The following LRRIQ3 variants were observed in gnomAD, a reference collection of about 807,000 sequenced individuals.
The protein encoded by LRRIQ3 is leucine-rich repeat and IQ domain-containing protein 3.
A neutral mutation model predicts 59.3 loss-of-function variants in LRRIQ3; 75 were observed. The observed-to-expected ratio is 1.26, with a 90% CI of 1.05 to 1.53. The LOEUF (loss-of-function observed/expected upper bound fraction) is 1.53, where lower values mean the gene tolerates loss of function less well. Among genes scored for constraint, LRRIQ3 ranks in the 40% most tolerant of loss-of-function variants. The probability of loss-of-function intolerance (pLI) is 0.00; values close to 1 mark genes in which losing one functional copy is unlikely to be tolerated. For synonymous variants in LRRIQ3, 250 were observed against 231.3 expected (o/e 1.08, Z -0.73); for missense variants, 831 against 710.0 (o/e 1.17, Z -1.94).
chr1:74,138,151 AAAAC>A (rs1326851099), intron 4 of LRRIQ3, among the ~76,000 whole-genome samples: 184 of 72,900 alleles, frequency 2.5e-3, no homozygotes, highest in African/African-American at 5.0e-3. Context: ...TTCCTTTAAA[AAAAC>A]AAACAAACAA....
At chr1:74,029,666 G>T (rs538407072) in intron 7 of LRRIQ3, among the ~76,000 whole-genome samples, 2 of 151,974 alleles carry the variant, frequency 1.3e-5, no homozygotes, top group East Asian at 1.9e-4. Context: ...TCTCTTTTTT[G>T]TGTGTGTCTC....
chr1:74,107,772 TGAA>T (rs931546704), intron 5 of LRRIQ3, among the ~76,000 whole-genome samples: 5 of 151,296 alleles, frequency 3.3e-5, no homozygotes, highest in Middle Eastern at 3.2e-3. Context: ...GAAATTGAGA[TGAA>T]GACAACTTCT....
chr1:74,184,289 C>G (rs529826761), intron 1 of LRRIQ3, among the ~76,000 whole-genome samples: 1 of 151,956 alleles, frequency 6.6e-6, no homozygotes, highest in Non-Finnish European at 1.5e-5. Context: ...ATTTTGACTA[C>G]TTAAATTTAT....
intron 4 of LRRIQ3, among the ~76,000 whole-genome samples, chr1:74,120,194 T>G (rs1411546523): frequency 6.6e-6 from 1 of 151,778 alleles, no homozygotes; most frequent in East Asian, 1.9e-4. Flanking sequence ...CTCGGCTCAC[T>G]GCAACCTCCG....
chr1:74,158,947 C>T (rs558956704), intron 3 of LRRIQ3, among the ~76,000 whole-genome samples: 1 of 152,196 alleles, frequency 6.6e-6, no homozygotes, highest in Admixed American at 6.5e-5. Context: ...CTTTGGCCCA[C>T]CATCAGCCCC....
chr1:74,043,543 G>T (rs1654111910), intron 6 of LRRIQ3, among the ~76,000 whole-genome samples: 1 of 152,102 alleles, frequency 6.6e-6, no homozygotes, highest in South Asian at 2.1e-4. Flanking sequence ...AAAGTGTCCA[G>T]AAATAAACAC....
intron 5 of LRRIQ3, among the ~76,000 whole-genome samples, chr1:74,107,480 T>C (rs1393774890): frequency 4.0e-5 from 6 of 151,630 alleles, no homozygotes; most frequent in Non-Finnish European, 2.9e-5. Context: ...GGTAGCTCAC[T>C]TAGTTGATAT....
intron 7 of LRRIQ3, among the ~76,000 whole-genome samples, chr1:74,032,127 T>A (rs1653737724): frequency 6.6e-6 from 1 of 151,928 alleles, no homozygotes; most frequent in Admixed American, 6.6e-5. Context: ...AAATTAACAT[T>A]TACATTTGTT....
chr1:74,126,909 GT>G (rs1646943425), intron 4 of LRRIQ3, among the ~76,000 whole-genome samples: 1 of 151,746 alleles, frequency 6.6e-6, no homozygotes, highest in Admixed American at 6.6e-5. Context: ...TTTGTTGATT[GT>G]TTTTGTCTGA....
intron 4 of LRRIQ3, among the ~76,000 whole-genome samples, chr1:74,134,861 A>G (rs535599988): frequency 3.9e-5 from 6 of 151,994 alleles, no homozygotes; most frequent in African/African-American, 1.4e-4. Flanking sequence ...ATATATAAAA[A>G]CCCAAAGGAA....
At chr1:74,153,923 C>G (rs1648140285) in intron 4 of LRRIQ3, among the ~76,000 whole-genome samples, 1 of 151,972 alleles carries the variant, frequency 6.6e-6, no homozygotes, top group South Asian at 2.1e-4. Flanking sequence ...ACAGAGAGCA[C>G]TAAATATAAC....
chr1:74,050,634 C>T (rs1450791369), intron 6 of LRRIQ3: 15 of 957,594 alleles, frequency 1.6e-5, no homozygotes, highest in Middle Eastern at 5.3e-4. Flanking sequence ...TGAATGCTCA[C>T]AAGTGGGTCT....
intron 7 of LRRIQ3, among the ~76,000 whole-genome samples, chr1:74,034,358 T>A (rs1653806775): frequency 6.6e-6 from 1 of 151,954 alleles, no homozygotes; most frequent in Admixed American, 6.6e-5. Context: ...AACCAAAACA[T>A]TGCCCTATTC....
chr1:74,034,192 T>A (rs927904804), intron 7 of LRRIQ3, among the ~76,000 whole-genome samples: 1 of 152,042 alleles, frequency 6.6e-6, no homozygotes, highest in Non-Finnish European at 1.5e-5. Flanking sequence ...TAAAGAATCA[T>A]CAGCGGAAAA....
intron 4 of LRRIQ3, among the ~76,000 whole-genome samples, chr1:74,142,884 C>A (rs1176628260): frequency 6.6e-6 from 1 of 151,912 alleles, no homozygotes; most frequent in Non-Finnish European, 1.5e-5. Flanking sequence ...TTTTATGACT[C>A]CAGTCTTCCA....
chr1:74,067,660 T>C (rs929751106), intron 6 of LRRIQ3, among the ~76,000 whole-genome samples: 9 of 151,892 alleles, frequency 5.9e-5, no homozygotes, highest in Non-Finnish European at 7.4e-5. Context: ...TCATATCTGC[T>C]TTTTTTTCTT....
chr1:74,139,446 T>C (rs1383463507), intron 4 of LRRIQ3, among the ~76,000 whole-genome samples: 1 of 151,884 alleles, frequency 6.6e-6, no homozygotes, highest in East Asian at 1.9e-4. Context: ...ACCCATTTGC[T>C]CACCAAATTC....
chr1:74,070,952 C>T (rs778843673), intron 6 of LRRIQ3, among the ~76,000 whole-genome samples: 63 of 132,932 alleles, frequency 4.7e-4, no homozygotes, highest in Non-Finnish European at 6.6e-4. Flanking sequence ...CAGGGTGGTC[C>T]GTGGCTAAAG....
chr1:74,026,949 C>G lies in LRRIQ3; in HGVS notation c.1739G>C (p.Arg580Thr). The G allele has an allele frequency of 6.4e-7, 1 of 1,566,712 alleles. No homozygotes were observed. The highest frequency in any genetic ancestry group is 8.7e-7 in the Non-Finnish European group (1 of 1,148,966). ...KKVRSQEIYK[R>T]HCEEKFVMDM... Reference sequence around the variant, plus strand: ...CATAACAAATTTTTCTTCACAATGTCTTTTATATATTTCTTGAGATCTAAG... The same window carrying G: ...CATAACAAATTTTTCTTCACAATGTGTTTTATATATTTCTTGAGATCTAAG... Residue 580 changes from arginine to threonine, a missense_variant, in exon 8 of 8, where the codon AGA becomes ACA. Arg to Thr is a moderately conservative substitution (Grantham distance 71, BLOSUM62 -1). Transcript: ENST00000354431.
Sources: gnomAD v4.1 joint callset for allele counts (sites outside exome capture counted in the v4.1 genomes callset) on GRCh38, gnomAD v4.1.1 for gene constraint, MANE v1.5 for transcripts, NCBI Gene and HGNC (gene_info 2026-07-23, HGNC 2026-07-21) for gene names.